CLIC5: variants seen among roughly 807,000 people sequenced by gnomAD.
CLIC5 encodes chloride intracellular channel protein 5.
In CLIC5, 20 loss-of-function variants were observed where a neutral mutation model predicts 24.7. That is an observed-to-expected ratio of 0.81 (90% confidence interval 0.57 to 1.18). The LOEUF (loss-of-function observed/expected upper bound fraction) is 1.18. Ranked by LOEUF, CLIC5 falls within the 50% of genes most tolerant of loss-of-function variation. The probability of loss-of-function intolerance (pLI) is 0.00; values close to 1 mark genes in which losing one functional copy is unlikely to be tolerated. For missense variants in CLIC5, 341 were observed against 326.1 expected, an observed-to-expected ratio of 1.05 and a Z score of -0.35; for synonymous variants, 159 against 135.6, an observed-to-expected ratio of 1.17 and a Z score of -1.20.
At chr6:45,920,878 A>G (rs954915909) in intron 4 of CLIC5, among the ~76,000 whole-genome samples, 1 of 152,124 alleles carries the variant, frequency 6.6e-6, no homozygotes, top group Non-Finnish European at 1.5e-5. Flanking sequence ...AGAGGCAAAG[A>G]TATTCTAAGG....
chr6:46,005,061 C>T (rs756425856), intron 1 of CLIC5, among the ~76,000 whole-genome samples: 1 of 152,186 alleles, frequency 6.6e-6, no homozygotes, highest in Non-Finnish European at 1.5e-5. Context: ...AGGAAGCAGA[C>T]GTGGACATTG....
At chr6:46,062,345 A>C (rs1009483601) in intron 1 of CLIC5, among the ~76,000 whole-genome samples, 2 of 152,226 alleles carry the variant, frequency 1.3e-5, no homozygotes, top group Admixed American at 1.3e-4. Context: ...GGTATTTCTT[A>C]CCACCTTGCA....
chr6:45,990,287 GT>G, intron 1 of CLIC5, among the ~76,000 whole-genome samples: 1 of 152,186 alleles, frequency 6.6e-6, no homozygotes, highest in East Asian at 1.9e-4. Flanking sequence ...ACTTTTTAAA[GT>G]GGTTTCCATT....
At chr6:46,108,018 G>C in the CLIC5 span, among the ~76,000 whole-genome samples, 4 of 50,966 alleles carry the variant, frequency 7.8e-5, no homozygotes, top group African/African-American at 1.4e-4. Flanking sequence ...AGGGCAACAA[G>C]AGCAAAACTC....
intron 4 of CLIC5, among the ~76,000 whole-genome samples, chr6:45,936,276 C>T (rs1224046775): frequency 7.0e-6 from 1 of 143,270 alleles, no homozygotes; most frequent in African/African-American, 2.6e-5. Context: ...GTGATCTCGG[C>T]TCACTGCAAC....
intron 1 of CLIC5, among the ~76,000 whole-genome samples, chr6:45,967,173 C>A (rs746915092): frequency 5.3e-5 from 8 of 152,226 alleles, no homozygotes; most frequent in Admixed American, 1.3e-4. Flanking sequence ...CAAGCTGTAT[C>A]TCCACTCTCA....
At chr6:45,937,374 C>T (rs1213319755) in intron 4 of CLIC5, 1 of 152,212 alleles carries the variant, frequency 6.6e-6, no homozygotes, top group Admixed American at 6.5e-5. Context: ...GATGAACCTG[C>T]ATTACAAACC....
intron 1 of CLIC5, among the ~76,000 whole-genome samples, chr6:46,072,760 G>T (rs1010292502): frequency 6.6e-6 from 1 of 152,136 alleles, no homozygotes; most frequent in Non-Finnish European, 1.5e-5. Context: ...TCACCCCATA[G>T]CTTATTCTAC....
intron 4 of CLIC5, among the ~76,000 whole-genome samples, chr6:45,925,462 G>A (rs1009522387): frequency 7.9e-5 from 12 of 151,954 alleles, no homozygotes; most frequent in South Asian, 6.2e-4. Flanking sequence ...GACTACAGGC[G>A]CGTGCCACCA....
chr6:46,080,432 C>T (rs1404535896), upstream of CLIC5: 2 of 583,886 alleles, frequency 3.4e-6, no homozygotes, highest in African/African-American at 3.7e-5. Flanking sequence ...ACCACAAGTC[C>T]ATTGGACAGA....
intron 1 of CLIC5, among the ~76,000 whole-genome samples, chr6:46,075,944 G>A (rs986041602): frequency 2.0e-5 from 3 of 152,078 alleles, no homozygotes; most frequent in African/African-American, 7.2e-5. Context: ...CAAAATGCTT[G>A]GGCTTTCCCT....
At chr6:46,100,880 G>A in the CLIC5 span, among the ~76,000 whole-genome samples, 2 of 152,150 alleles carry the variant, frequency 1.3e-5, no homozygotes, top group South Asian at 4.1e-4. Flanking sequence ...ATGGGGTGCA[G>A]CAGCTTAAAC....
intron 1 of CLIC5, among the ~76,000 whole-genome samples, chr6:46,053,814 G>A (rs180888306): frequency 9.1e-4 from 139 of 152,262 alleles, no homozygotes; most frequent in African/African-American, 3.2e-3. Flanking sequence ...TTACCCTGGG[G>A]AGAGGCATTC....
At chr6:46,011,711 C>G (rs1016624601) in intron 1 of CLIC5, among the ~76,000 whole-genome samples, 1 of 152,208 alleles carries the variant, frequency 6.6e-6, no homozygotes, top group Admixed American at 6.5e-5. Context: ...CTAACCTACA[C>G]AGCACATCCT....
In CLIC5 at chr6:45,903,131, T is replaced by C; in HGVS notation, c.713A>G (p.Glu238Gly). 1 of 1,614,178 alleles carries C rather than the reference T, an allele frequency of 6.2e-7. No homozygotes were observed. Among genetic ancestry groups the C allele is most frequent in the Non-Finnish European group, 8.5e-7 (1 of 1,180,020 alleles). ...TNTCAADSEI[E>G]LAYADVAKRL... is the part of the protein sequence containing the mutation. Reference sequence around the variant, plus strand: ...TTTGGCGACATCAGCGTAGGCCAACTCGATCTCACTGTCAGCTGCACAGGT... The same window carrying C: ...TTTGGCGACATCAGCGTAGGCCAACCCGATCTCACTGTCAGCTGCACAGGT... The change falls in exon 6 of 6, where the codon GAG becomes GGG. Residue 238 changes from glutamate (E) to glycine (G), a missense_variant. Physicochemically the swap from Glu to Gly is moderately conservative, Grantham distance 98 (BLOSUM62 -2). Transcript: ENST00000339561.
chr6:45,901,152 A>T lies in CLIC5; in HGVS notation c.*1936T>A, dbSNP rs1035820280. Reference sequence around the variant, plus strand: ...TTCAGCCCTCATCCCCCAGGAGGCCAGTTTGGGGCTTTTCCCTACAGTAAA... The same window carrying T: ...TTCAGCCCTCATCCCCCAGGAGGCCTGTTTGGGGCTTTTCCCTACAGTAAA... On this transcript the variant is annotated 3_prime_UTR_variant, in exon 6 of 6. Transcript: ENST00000339561. The T allele has an allele frequency of 2.0e-5, 3 of 152,160 alleles. No homozygotes were observed. The highest frequency in any genetic ancestry group is 7.2e-5 in the African/African-American group (3 of 41,420). The allele number at this position is 152,160 out of a possible 1,614,324, so 9.4% of individuals were successfully genotyped here. A position where few individuals can be genotyped will look rare whatever the true frequency, so the allele number is the denominator to read the frequency against.
At chr6:46,125,137 T>C in the CLIC5 span, among the ~76,000 whole-genome samples, 2 of 152,334 alleles carry the variant, frequency 1.3e-5, no homozygotes, top group East Asian at 1.9e-4. Flanking sequence ...CATATGTTTA[T>C]TGCAGCACTA....
rs200185485 is a variant in CLIC5, at chr6:45,951,021, TG to T, written c.174-1641del. On this transcript the variant is annotated intron_variant, in intron 2 of 5. Transcript: ENST00000339561. Reference sequence around the variant, plus strand: ...CTAAGTAAATGCAACTTCTGCTTTGTGATGGGATTCAAATAGATCACTTGAT... The same window carrying T: ...CTAAGTAAATGCAACTTCTGCTTTGTATGGGATTCAAATAGATCACTTGAT... Among the ~76,000 whole-genome samples the T allele has an allele frequency of 3.4e-3, 521 of 152,334 alleles. 4 individuals are homozygous for T. Among genetic ancestry groups the T allele is most frequent in the African/African-American group, 0.012 (501 of 41,588 alleles).
At chr6:45,964,769 T>C (rs1764963692) in intron 1 of CLIC5, among the ~76,000 whole-genome samples, 1 of 152,204 alleles carries the variant, frequency 6.6e-6, no homozygotes, top group Non-Finnish European at 1.5e-5. Flanking sequence ...CCTGGCCAAA[T>C]GCAGGTTTTT....
Sources: allele counts gnomAD v4.1 joint callset (sites outside exome capture counted in the v4.1 genomes callset), GRCh38; gene constraint gnomAD v4.1.1; transcripts MANE v1.5; gene names NCBI Gene and HGNC (gene_info 2026-07-23, HGNC 2026-07-21).